NCKAP1L: variants seen among roughly 807,000 people sequenced by gnomAD.
NCKAP1L encodes the protein NCK associated protein 1 like.
Under a neutral mutation model 139.2 loss-of-function variants are expected in NCKAP1L, and 53 were observed. The observed-to-expected ratio is 0.38, with a 90% CI of 0.31 to 0.48. NCKAP1L has a LOEUF of 0.48. Among genes scored for constraint, NCKAP1L ranks in the 20% least tolerant of loss-of-function variants. NCKAP1L has a pLI of 0.98. For synonymous variants in NCKAP1L, 468 were observed against 499.7 expected (o/e 0.94, Z 0.85); for missense variants, 1,151 against 1,381.9 (o/e 0.83, Z 2.65).
At chr12:54,516,335 T>A (rs758875093) in intron 10 of NCKAP1L, 40 bp downstream of exon 10, 1 of 1,575,702 alleles carries the variant, frequency 6.3e-7, no homozygotes, top group South Asian at 1.1e-5. Context: ...GGGGATGGAA[T>A]AGGAATCTCT....
At chr12:54,542,352 A>G (rs1162778335) in intron 30 of NCKAP1L, among the ~76,000 whole-genome samples, 1 of 152,162 alleles carries the variant, frequency 6.6e-6, no homozygotes, top group Non-Finnish European at 1.5e-5. Flanking sequence ...TGCCCTTCAC[A>G]TAGTCCTGAT....
chr12:54,540,532 G>T (rs962929474), intron 30 of NCKAP1L, among the ~76,000 whole-genome samples: 1 of 152,176 alleles, frequency 6.6e-6, no homozygotes, highest in Non-Finnish European at 1.5e-5. Context: ...CTGAGACTTC[G>T]GCTCTCTATC....
chr12:54,536,560 A>G, intron 28 of NCKAP1L: 1 of 323,086 alleles, frequency 3.1e-6, no homozygotes, highest in South Asian at 3.1e-5. Flanking sequence ...TGGGAGGCTG[A>G]GGTAGGAGGA....
In NCKAP1L at chr12:54,521,258, T is replaced by C; in HGVS notation, c.1878+20T>C. The C allele has an allele frequency of 6.2e-7, 1 of 1,612,660 alleles. No individual in the cohort carries two copies. The highest frequency in any genetic ancestry group is 8.5e-7 in the Non-Finnish European group (1 of 1,178,946). Reference sequence around the variant, plus strand: ...GAGCAGGTAGACTCAGCCCTCTCTGTTTCACTCTCCCCTCTGCCAGCGCTC... The same window carrying C: ...GAGCAGGTAGACTCAGCCCTCTCTGCTTCACTCTCCCCTCTGCCAGCGCTC... On this transcript the variant is annotated intron_variant, in intron 18 of 30. Coordinates refer to ENST00000293373, the MANE Select transcript of NCKAP1L (RefSeq NM_005337.5).
rs182496506 is a variant in NCKAP1L, at chr12:54,528,634, T to C, written c.2506+257T>C. On this transcript the variant is annotated intron_variant, in intron 22 of 30. Coordinates refer to ENST00000293373, the MANE Select transcript of NCKAP1L (RefSeq NM_005337.5). Reference sequence around the variant, plus strand: ...GCATCTTCTTCTTCTTCTTCTTCTTTTTTTTTTTTGAGATGGAGTCTCGCT... The same window carrying C: ...GCATCTTCTTCTTCTTCTTCTTCTTCTTTTTTTTTGAGATGGAGTCTCGCT... Among the ~76,000 whole-genome samples the C allele has an allele frequency of 2.3e-3, 343 of 150,744 alleles. 1 individual carries two copies. Among genetic ancestry groups the C allele is most frequent in the African/African-American group, 8.1e-3 (333 of 40,918 alleles).
At chr12:54,534,705 A>G (rs937769035) in intron 26 of NCKAP1L, among the ~76,000 whole-genome samples, 2 of 152,246 alleles carry the variant, frequency 1.3e-5, no homozygotes, top group Non-Finnish European at 2.9e-5. Flanking sequence ...GCAGCACCGA[A>G]TAAAGGAAGT....
Position 54,537,012 on chromosome 12 carries a change from TACA to T in NCKAP1L, c.3147_3149del (p.Asn1049del). On this transcript the variant is annotated inframe_deletion, in exon 29 of 31. Transcript: ENST00000293373. ...GGTGTCTGCTGCCCTCTTCACGCTCTACAACAAGAACATTGAAACTCACCTCAA... is the reference window on the plus strand; with the variant it reads ...GGTGTCTGCTGCCCTCTTCACGCTCTACAAGAACATTGAAACTCACCTCAA... 4 of 1,613,652 alleles carry T rather than the reference TACA, an allele frequency of 2.5e-6. No homozygotes were observed. The highest frequency in any genetic ancestry group is 3.4e-6 in the Non-Finnish European group (4 of 1,179,656).
chr12:54,534,157 G>A (rs1020309134), intron 26 of NCKAP1L, among the ~76,000 whole-genome samples: 2 of 152,222 alleles, frequency 1.3e-5, no homozygotes, highest in African/African-American at 2.4e-5. Flanking sequence ...GGAAGAGGAT[G>A]TAAAGGCATC....
rs759611031 is a variant in NCKAP1L at position 54,523,355 on chromosome 12, A to G, written c.1879-39A>G. On this transcript the variant is annotated intron_variant, in intron 18 of 30. Transcript: ENST00000293373. ...AACTGTCAGGTGCCGTTTTAGCAACAAATCCCCTTTCTCCATTTACCTGTG... is the reference window on the plus strand; with the variant it reads ...AACTGTCAGGTGCCGTTTTAGCAACGAATCCCCTTTCTCCATTTACCTGTG... 68 of 1,588,184 alleles carry G rather than the reference A, an allele frequency of 4.3e-5. No homozygotes were observed. In the South Asian group the frequency reaches 7.5e-4, roughly 17 times the overall value.
chr12:54,519,433 T>A (rs1956963682), intron 16 of NCKAP1L, 101 bp downstream of exon 16: 3 of 944,838 alleles, frequency 3.2e-6, no homozygotes, highest in Admixed American at 7.4e-5. Context: ...TGTTTAATTT[T>A]TTTTTTTTTT....
chr12:54,527,756 C>T (rs866111821), intron 21 of NCKAP1L, among the ~76,000 whole-genome samples: 1 of 152,216 alleles, frequency 6.6e-6, no homozygotes, highest in Non-Finnish European at 1.5e-5. Context: ...CCTCTACCCA[C>T]ATTGGCTGTA....
rs1461993641 is a variant in NCKAP1L at position 54,531,375 on chromosome 12, C to T, written c.2604+18C>T. 6.2e-6 allele frequency: 10 copies of T among 1,612,744 alleles called. No homozygotes were observed. Among genetic ancestry groups the T allele is most frequent in the South Asian group, 1.1e-5 (1 of 91,028 alleles). ...AGCTGAAGGTACTATGGAAACAATCCCTTGGGGAAAAGATCCTACCTTGAG... is the reference window on the plus strand; with the variant it reads ...AGCTGAAGGTACTATGGAAACAATCTCTTGGGGAAAAGATCCTACCTTGAG... On this transcript the variant is annotated intron_variant, in intron 23 of 30. Transcript: ENST00000293373.
chr12:54,535,165 C>T lies in NCKAP1L; in HGVS notation c.2924C>T (p.Ala975Val). Residue 975 changes from alanine (A) to valine (V), a missense_variant, in exon 27 of 31, where the codon GCC becomes GTC. Ala to Val is a moderately conservative substitution (Grantham distance 64). Coordinates refer to ENST00000293373, the MANE Select transcript of NCKAP1L (RefSeq NM_005337.5). ...GGTGTGGGCTGTGACATTGACCCAG[C>T]CTTGGTGGCTGCCATTGCTAATCTG... ...AAGVGCDIDPALVAAIANLKA... is the reference protein window; with the variant it reads ...AAGVGCDIDPVLVAAIANLKA... 1.2e-6 allele frequency: 2 copies of T among 1,613,594 alleles called. No homozygotes were observed. The highest frequency in any genetic ancestry group is 1.7e-6 in the Non-Finnish European group (2 of 1,179,754).
At chr12:54,516,332 G>A (rs1041443645) in intron 10 of NCKAP1L, 37 bp downstream of exon 10, 2 of 1,583,760 alleles carry the variant, frequency 1.3e-6, no homozygotes, top group African/African-American at 2.7e-5. Flanking sequence ...AGAGGGGATG[G>A]AATAGGAATC....
intron 16 of NCKAP1L, among the ~76,000 whole-genome samples, chr12:54,519,833 A>C (rs1319982823): frequency 6.7e-6 from 1 of 149,880 alleles, no homozygotes; most frequent in East Asian, 1.9e-4. Context: ...TAGTTAGCCC[A>C]TATGTCTAGT....
At chr12:54,510,790 G>A (rs1956882319) in intron 7 of NCKAP1L, among the ~76,000 whole-genome samples, 1 of 151,684 alleles carries the variant, frequency 6.6e-6, no homozygotes, top group South Asian at 2.1e-4. Context: ...CCAAAGTGCT[G>A]GGATTACAGG....
Position 54,519,293 on chromosome 12 carries a change from A to G in NCKAP1L, c.1586A>G (p.Glu529Gly). The G allele has an allele frequency of 6.3e-7, 1 of 1,585,754 alleles. No individual in the cohort carries two copies. Among genetic ancestry groups the G allele is most frequent in the East Asian group, 2.2e-5 (1 of 44,618 alleles). Residue 529 changes from glutamate to glycine, a missense_variant, in exon 16 of 31, where the codon GAA becomes GGA. Transcript: ENST00000293373. ...VFHSRMLDSV[E>G]KLLVETSDLS... ...CACTCCCGAATGCTGGACTCCGTAG[A>G]AAAATTGCTGGTGGAAACTTCTGAT...
rs777937632 is a variant in NCKAP1L, at chr12:54,526,651, A to G, written c.2280A>G (p.Ala760=). 1.2e-6 allele frequency: 2 copies of G among 1,614,186 alleles called. No homozygotes were observed. Among genetic ancestry groups the G allele is most frequent in the East Asian group, 2.2e-5 (1 of 44,874 alleles). ...AGTCACTGGCCCAGTTTTTGGGTGC[A>G]GATGCTTCCAGAGTCATCCGCAACG... ...FIQSLAQFLG[A]DASRVIRNAL... The change falls in exon 21 of 31, where the codon GCA becomes GCG. Residue 760 remains alanine, a synonymous_variant. Transcript: ENST00000293373.
rs1415608391 is a variant in NCKAP1L at position 54,547,775 on chromosome 12, C to T, written c.*5090C>T. ...TGTAGTTTCCAGCCCATTTCATTTT[C>T]AGTTGATAAGGAGGAGATTGCTCCC... is the stretch of plus-strand genomic sequence containing the variant. On this transcript the variant is annotated 3_prime_UTR_variant, in exon 31 of 31. Transcript: ENST00000293373. 6.6e-6 allele frequency: 1 copy of T among 152,186 alleles called. No individual in the cohort carries two copies. The highest frequency in any genetic ancestry group is 2.4e-5 in the African/African-American group (1 of 41,444). 9.4% of individuals were successfully genotyped at this position (152,186 alleles called of 1,614,324 possible).
Sources: allele counts gnomAD v4.1 joint callset (sites outside exome capture counted in the v4.1 genomes callset), GRCh38; gene constraint gnomAD v4.1.1; transcripts MANE v1.5; gene names NCBI Gene and HGNC (gene_info 2026-07-23, HGNC 2026-07-21).